Variants in COL4A2 observed in about 807,000 individuals in gnomAD.
COL4A2 encodes the protein collagen alpha-2(IV) chain.
In COL4A2, 99 loss-of-function variants were observed where a neutral mutation model predicts 200.2. The observed-to-expected ratio is 0.49, with a 90% CI of 0.42 to 0.58. The LOEUF (loss-of-function observed/expected upper bound fraction) is 0.58, where lower values mean the gene tolerates loss of function less well. Among genes scored for constraint, COL4A2 ranks in the 20% least tolerant of loss-of-function variants. COL4A2 has a pLI of 0.00. For missense variants in COL4A2, 1,950 were observed against 2,314.1 expected, an observed-to-expected ratio of 0.84 and a Z score of 3.23; for synonymous variants, 897 against 900.6, an observed-to-expected ratio of 1.00 and a Z score of 0.07.
At chr13:110,445,046 T>TC (rs1193517090) in intron 16 of COL4A2, among the ~76,000 whole-genome samples, 2 of 152,174 alleles carry the variant, frequency 1.3e-5, no homozygotes, top group Non-Finnish European at 2.9e-5. Flanking sequence ...AGGCAGGGTT[T>TC]CACTATGTTT....
chr13:110,489,805 T>C lies in COL4A2; in HGVS notation c.3346+20T>C. On this transcript the variant is annotated intron_variant, in intron 36 of 47. Coordinates refer to ENST00000360467, the MANE Select transcript of COL4A2 (RefSeq NM_001846.4). Reference sequence around the variant, plus strand: ...TACCAGGTACGCAAGTTATTTTCCTTGTCTTCATCTTCAACAACAGCCCTG... The same window carrying C: ...TACCAGGTACGCAAGTTATTTTCCTCGTCTTCATCTTCAACAACAGCCCTG... 6.3e-7 allele frequency: 1 copy of C among 1,596,758 alleles called. No homozygotes were observed. The highest frequency in any genetic ancestry group is 8.5e-7 in the Non-Finnish European group (1 of 1,172,310).
chr13:110,471,087 C>T (rs1009881189), intron 28 of COL4A2, among the ~76,000 whole-genome samples: 1 of 152,166 alleles, frequency 6.6e-6, no homozygotes, highest in African/African-American at 2.4e-5. Flanking sequence ...CATTGCCACT[C>T]TCATGATTTC....
intron 4 of COL4A2, among the ~76,000 whole-genome samples, chr13:110,411,599 C>T (rs1176099793): frequency 6.6e-6 from 1 of 152,170 alleles, no homozygotes; most frequent in Non-Finnish European, 1.5e-5. Flanking sequence ...AGCAGAGAAG[C>T]CATGTTCTTA....
intron 19 of COL4A2, 103 bp from the exon 20 acceptor site, chr13:110,450,202 A>G (rs976346339): frequency 6.2e-6 from 6 of 970,646 alleles, no homozygotes; most frequent in Non-Finnish European, 9.5e-6. Flanking sequence ...TGACGGGGCC[A>G]TGAAGCCCGC....
Position 110,508,203 on chromosome 13 carries a change from C to T in COL4A2, c.4863C>T (p.Ile1621=), listed in dbSNP as rs770662096. The change falls in exon 47 of 48, where the codon ATC becomes ATT. Residue 1621 remains isoleucine (I), a synonymous_variant. Coordinates refer to ENST00000360467, the MANE Select transcript of COL4A2 (RefSeq NM_001846.4). This position sits in a 1 kb window ranked among gnomAD's most constrained non-coding sequence, Gnocchi z 6.1. ...CAGCTGGGTGGCGGAGTTTGTGGAT[C>T]GGATATTCCTTCCTCATGGTATGTG... is the stretch of plus-strand genomic sequence containing the variant. ...HCPAGWRSLW[I]GYSFLMHTAA... The T allele has an allele frequency of 1.1e-5, 17 of 1,614,004 alleles. No individual in the cohort carries two copies. The highest frequency in any genetic ancestry group is 4.5e-5 in the East Asian group (2 of 44,902).
intron 3 of COL4A2, among the ~76,000 whole-genome samples, chr13:110,341,358 T>G (rs1292253215): frequency 6.6e-6 from 1 of 152,172 alleles, no homozygotes; most frequent in Admixed American, 6.5e-5. Context: ...TGACTAAGGG[T>G]GGCTGTGGGA....
At chr13:110,451,608 A>G (rs1881539624) in intron 20 of COL4A2, among the ~76,000 whole-genome samples, 1 of 152,136 alleles carries the variant, frequency 6.6e-6, no homozygotes, top group Non-Finnish European at 1.5e-5. Context: ...CTCATGAGAA[A>G]CTCACTCACT....
At chr13:110,404,727 C>A (rs1879500870) in intron 4 of COL4A2, among the ~76,000 whole-genome samples, 1 of 152,170 alleles carries the variant, frequency 6.6e-6, no homozygotes, top group Non-Finnish European at 1.5e-5. Flanking sequence ...GATAGAGAGA[C>A]AGGAAAGGAG....
At chr13:110,460,428 C>G (rs956931588) in intron 22 of COL4A2, among the ~76,000 whole-genome samples, 2 of 152,208 alleles carry the variant, frequency 1.3e-5, no homozygotes, top group Admixed American at 1.3e-4. Context: ...AAAAGTGGCT[C>G]TAGTATTCAG....
At chr13:110,376,504 T>G (rs945893215) in intron 4 of COL4A2, among the ~76,000 whole-genome samples, 13 of 152,312 alleles carry the variant, frequency 8.5e-5, no homozygotes, top group African/African-American at 3.1e-4. Context: ...ATTTTTCTGA[T>G]AGTTTTGATG....
At chr13:110,438,518 T>G in intron 14 of COL4A2, 100 bp from the exon 15 acceptor site, 3 of 1,477,794 alleles carry the variant, frequency 2.0e-6, no homozygotes, top group Non-Finnish European at 2.8e-6. Flanking sequence ...CCATCGGGGC[T>G]GAGAACACAG....
chr13:110,393,056 TC>T (rs959935809), intron 4 of COL4A2, among the ~76,000 whole-genome samples: 1 of 152,178 alleles, frequency 6.6e-6, no homozygotes, highest in East Asian at 1.9e-4. Context: ...ATTGTTGATC[TC>T]CCCCTGGTGT....
rs886049970 is a variant in COL4A2, at chr13:110,438,663, C to T, written c.907C>T (p.Leu303=). 1 of 1,614,182 alleles carries T rather than the reference C, an allele frequency of 6.2e-7. No individual in the cohort carries two copies. Among genetic ancestry groups the T allele is most frequent in the East Asian group, 2.2e-5 (1 of 44,880 alleles). Residue 303 remains leucine, a synonymous_variant, in exon 15 of 48, where the codon CTG becomes TTG. Transcript: ENST00000360467. ...AGAAGGAATCATGGGCTTTCCTGGA[C>T]TGAGGGTAAACCACGCCTTTTATAA... The part of the protein sequence containing the change: ...GEEGIMGFPG[L]RGYPGLSGEK...
At chr13:110,500,995 G>A (rs1332100142) in intron 40 of COL4A2, among the ~76,000 whole-genome samples, 2 of 152,200 alleles carry the variant, frequency 1.3e-5, no homozygotes, top group South Asian at 2.1e-4. Flanking sequence ...CCAAGACAAG[G>A]ACACGTGTGT....
chr13:110,413,170 G>A (rs1013790843), intron 4 of COL4A2, among the ~76,000 whole-genome samples: 9 of 152,172 alleles, frequency 5.9e-5, no homozygotes, highest in South Asian at 2.1e-4. Context: ...GGTCAGAAAC[G>A]TGGTCTAAAA....
At chr13:110,388,448 C>T (rs1339133146) in intron 4 of COL4A2, among the ~76,000 whole-genome samples, 1 of 152,168 alleles carries the variant, frequency 6.6e-6, no homozygotes. Flanking sequence ...ACTCGTTGAA[C>T]GAAAAAGAGA....
At chr13:110,396,302 G>A (rs929782122) in intron 4 of COL4A2, among the ~76,000 whole-genome samples, 1 of 152,186 alleles carries the variant, frequency 6.6e-6, no homozygotes, top group Non-Finnish European at 1.5e-5. Context: ...GATTGAGAAC[G>A]ATTTTTAACA....
intron 4 of COL4A2, among the ~76,000 whole-genome samples, chr13:110,409,919 C>T (rs542924343): frequency 7.9e-5 from 12 of 152,252 alleles, no homozygotes; most frequent in East Asian, 5.8e-4. Context: ...ATAACCCCGG[C>T]GTGGTGAAAC....
At chr13:110,442,185 G>A (rs961590108) in intron 16 of COL4A2, among the ~76,000 whole-genome samples, 6 of 151,886 alleles carry the variant, frequency 4.0e-5, no homozygotes, top group Admixed American at 6.6e-5. Flanking sequence ...GTAAACAGTG[G>A]CCACCTGGCA....
Sources: gnomAD v4.1 joint callset for allele counts (sites outside exome capture counted in the v4.1 genomes callset) on GRCh38, gnomAD v4.1.1 for gene constraint, Gnocchi (gnomAD v3.1) non-coding constraint, MANE v1.5 for transcripts, NCBI Gene and HGNC (gene_info 2026-07-23, HGNC 2026-07-21) for gene names.